CTNNA2: variants seen among roughly 807,000 people sequenced by gnomAD.
CTNNA2 encodes the protein catenin alpha-2.
CTNNA2 carries 42 observed loss-of-function variants against 101.0 expected under a neutral mutation model. The observed-to-expected ratio is 0.42, with a 90% confidence interval of 0.32 to 0.54. The LOEUF (loss-of-function observed/expected upper bound fraction) is 0.54, where lower values mean the gene tolerates loss of function less well. CTNNA2 is among the 20% of genes least tolerant of loss of function. CTNNA2 has a pLI of 0.14. For synonymous variants in CTNNA2, 450 were observed against 456.4 expected, an observed-to-expected ratio of 0.99 and a Z score of 0.18; for missense variants, 871 against 1,223.1, an observed-to-expected ratio of 0.71 and a Z score of 4.29.
rs867980361 is a variant in CTNNA2 at position 80,389,418 on chromosome 2, C to T, written c.1057-3793C>T. Among the ~76,000 whole-genome samples the T allele has an allele frequency of 7.2e-5, 11 of 152,178 alleles. No individual in the cohort carries two copies. In the South Asian group the frequency reaches 1.0e-3, roughly 14 times the overall value. On this transcript the variant is annotated intron_variant, in intron 7 of 18. Coordinates refer to ENST00000402739, the MANE Select transcript of CTNNA2 (RefSeq NM_001282597.3). ...GGAGGCAAGTCTCCGCTCCTTCCTT[C>T]CTCCCTCCTCACTATCCCCCATTGC...
At chr2:79,964,349 T>A (rs1689867381) in intron 7 of CTNNA2, among the ~76,000 whole-genome samples, 1 of 152,074 alleles carries the variant, frequency 6.6e-6, no homozygotes, top group Non-Finnish European at 1.5e-5. Flanking sequence ...CACTTACTGA[T>A]GATCTTCACA....
At chr2:79,361,481 C>G (rs1311471778) in intron 3 of CTNNA2, among the ~76,000 whole-genome samples, 1 of 152,098 alleles carries the variant, frequency 6.6e-6, no homozygotes, top group South Asian at 2.1e-4. Context: ...TAGAGGGTAA[C>G]TACTTCTTGT....
chr2:80,067,378 T>C (rs1246812604), intron 7 of CTNNA2, among the ~76,000 whole-genome samples: 1 of 152,142 alleles, frequency 6.6e-6, no homozygotes, highest in African/African-American at 2.4e-5. Flanking sequence ...CAAAACATCA[T>C]GTTTTGAATA....
intron 9 of CTNNA2, among the ~76,000 whole-genome samples, chr2:80,458,178 T>A (rs1199187054): frequency 2.0e-5 from 3 of 152,228 alleles, no homozygotes; most frequent in Admixed American, 6.5e-5. Context: ...GATTTTTTTT[T>A]AGAAATATTT....
chr2:79,272,683 A>G (rs1675115392), intron 2 of CTNNA2, among the ~76,000 whole-genome samples: 1 of 152,134 alleles, frequency 6.6e-6, no homozygotes, highest in Non-Finnish European at 1.5e-5. Context: ...ATTTTGTTTT[A>G]TTAAACAAAG....
intron 6 of CTNNA2, among the ~76,000 whole-genome samples, chr2:79,890,471 T>C (rs1684222376): frequency 6.6e-6 from 1 of 152,076 alleles, no homozygotes; most frequent in Non-Finnish European, 1.5e-5. Flanking sequence ...GTTTAGTACT[T>C]TCCTCACTTT....
At chr2:80,296,008 T>G (rs1190693425) in intron 7 of CTNNA2, among the ~76,000 whole-genome samples, 1 of 152,166 alleles carries the variant, frequency 6.6e-6, no homozygotes, top group Non-Finnish European at 1.5e-5. Context: ...ATGTGCACCC[T>G]ACTCACCAGA....
intron 7 of CTNNA2, among the ~76,000 whole-genome samples, chr2:80,109,933 C>A (rs1701113668): frequency 6.6e-6 from 1 of 152,106 alleles, no homozygotes; most frequent in South Asian, 2.1e-4. Flanking sequence ...TGTATTAATC[C>A]TTTTTTAATC....
At chr2:80,497,744 G>A (rs1004854272) in intron 9 of CTNNA2, among the ~76,000 whole-genome samples, 10 of 152,204 alleles carry the variant, frequency 6.6e-5, no homozygotes, top group African/African-American at 2.4e-4. Context: ...CAACTGGTAT[G>A]TGTGGAGAAG....
chr2:80,042,164 C>T (rs960768079), intron 7 of CTNNA2, among the ~76,000 whole-genome samples: 3 of 152,158 alleles, frequency 2.0e-5, no homozygotes, highest in Non-Finnish European at 4.4e-5. Context: ...AGCGTTTCAC[C>T]ATGTTGACCA....
chr2:79,717,933 G>C (rs79797854), intron 2 of CTNNA2, among the ~76,000 whole-genome samples: 1 of 147,550 alleles, frequency 6.8e-6, no homozygotes, highest in African/African-American at 2.5e-5. Context: ...TATCATTTTT[G>C]TAGAGCCTTG....
intron 3 of CTNNA2, among the ~76,000 whole-genome samples, chr2:79,799,984 A>T (rs1397220666): frequency 1.3e-5 from 2 of 152,170 alleles, no homozygotes; most frequent in Non-Finnish European, 2.9e-5. Context: ...CAATCACATG[A>T]TCTGAAAGGC....
intron 7 of CTNNA2, among the ~76,000 whole-genome samples, chr2:80,096,337 G>A (rs1330629848): frequency 6.6e-6 from 1 of 152,190 alleles, no homozygotes; most frequent in Non-Finnish European, 1.5e-5. Flanking sequence ...TTAATCCTGA[G>A]TTCTAGTTTG....
At chr2:80,094,265 C>A (rs1699994631) in intron 7 of CTNNA2, among the ~76,000 whole-genome samples, 1 of 151,956 alleles carries the variant, frequency 6.6e-6, no homozygotes. Flanking sequence ...AATAGGGAAT[C>A]CTTTCCCCAT....
intron 7 of CTNNA2, among the ~76,000 whole-genome samples, chr2:80,004,111 T>C (rs927224143): frequency 3.9e-5 from 6 of 152,186 alleles, no homozygotes; most frequent in Non-Finnish European, 5.9e-5. Flanking sequence ...TTTTTTAATC[T>C]CTTTGCTGCA....
In CTNNA2 at chr2:79,786,827, C is replaced by A. The variant is rs550383642; in HGVS notation, c.298+42245C>A. Among the ~76,000 whole-genome samples, 5 of 152,254 alleles carry A rather than the reference C, an allele frequency of 3.3e-5. No individual in the cohort carries two copies. The South Asian group carries it at 1.0e-3, about 32-fold the overall frequency. On this transcript the variant is annotated intron_variant, in intron 3 of 18. Coordinates refer to ENST00000402739, the MANE Select transcript of CTNNA2 (RefSeq NM_001282597.3). Reference sequence around the variant, plus strand: ...TCCCAGGATTTCTCAACCTGACAATCCATTGTCACCAAATAAATACAATCA... The same window carrying A: ...TCCCAGGATTTCTCAACCTGACAATACATTGTCACCAAATAAATACAATCA...
chr2:79,907,439 C>G lies in CTNNA2; in HGVS notation c.853-2155C>G, dbSNP rs367838910. ...GTATGTGAGAGAAAGAGAGATGGTT[C>G]CAATGGATGCCCCTGGAAAGAGACA... is the stretch of plus-strand genomic sequence containing the variant. On this transcript the variant is annotated intron_variant, in intron 6 of 18. Coordinates refer to ENST00000402739, the MANE Select transcript of CTNNA2 (RefSeq NM_001282597.3). 1.8e-4 allele frequency among the ~76,000 whole-genome samples: 27 copies of G among 152,120 alleles called. 1 individual carries two copies. In the South Asian group the frequency reaches 4.6e-3, roughly 26 times the overall value.
chr2:79,696,962 A>C (rs1361574089), intron 2 of CTNNA2, among the ~76,000 whole-genome samples: 2 of 151,998 alleles, frequency 1.3e-5, no homozygotes, highest in Admixed American at 1.3e-4. Context: ...TTTGGTAAAT[A>C]AGATCACAGA....
chr2:80,006,245 G>T (rs902343463), intron 7 of CTNNA2, among the ~76,000 whole-genome samples: 1 of 151,614 alleles, frequency 6.6e-6, no homozygotes, highest in African/African-American at 2.4e-5. Flanking sequence ...CATGATTCTA[G>T]ATATGCATAT....
Sources: allele counts gnomAD v4.1 joint callset (sites outside exome capture counted in the v4.1 genomes callset), GRCh38; gene constraint gnomAD v4.1.1; transcripts MANE v1.5; gene names NCBI Gene and HGNC (gene_info 2026-07-23, HGNC 2026-07-21).